DNAJC15: variants seen among roughly 807,000 people sequenced by gnomAD.
DNAJC15 encodes the protein dnaJ homolog subfamily C member 15.
A neutral mutation model predicts 22.4 loss-of-function variants in DNAJC15; 27 were observed. The observed-to-expected ratio is 1.20, with a 90% CI of 0.89 to 1.66. DNAJC15 has a LOEUF of 1.66. Ranked by LOEUF, DNAJC15 falls within the 40% of genes most tolerant of loss-of-function variation. DNAJC15 has a pLI of 0.00. For synonymous variants in DNAJC15, 79 were observed against 63.2 expected, an observed-to-expected ratio of 1.25 and a Z score of -1.19; for missense variants, 208 against 187.1, an observed-to-expected ratio of 1.11 and a Z score of -0.65.
intron 1 of DNAJC15, among the ~76,000 whole-genome samples, chr13:43,059,442 C>T (rs1030322207): frequency 1.3e-5 from 2 of 152,006 alleles, no homozygotes; most frequent in African/African-American, 4.8e-5. Context: ...GGCGCAATCT[C>T]GGCTCACCGC....
At chr13:43,075,693 G>A (rs1436601432) in intron 3 of DNAJC15, among the ~76,000 whole-genome samples, 1 of 152,072 alleles carries the variant, frequency 6.6e-6, no homozygotes, top group East Asian at 1.9e-4. Flanking sequence ...GAGACAGTCT[G>A]TCTCCATTGC....
chr13:43,043,486 A>G (rs2040463180), intron 1 of DNAJC15, among the ~76,000 whole-genome samples: 1 of 152,226 alleles, frequency 6.6e-6, no homozygotes, highest in African/African-American at 2.4e-5. Flanking sequence ...ACAGTACTTA[A>G]AAGATCATTC....
intron 3 of DNAJC15, among the ~76,000 whole-genome samples, chr13:43,078,021 TCTC>T (rs761282252): frequency 6.6e-6 from 1 of 152,212 alleles, no homozygotes; most frequent in Non-Finnish European, 1.5e-5. Context: ...TGCTCTGGCT[TCTC>T]CTCCCACTTA....
Position 43,107,539 on chromosome 13 carries a change from A to ACACACC in DNAJC15, c.*296_*297insCCACAC. On this transcript the variant is annotated 3_prime_UTR_variant, in exon 6 of 6. Transcript: ENST00000379221. The stretch of plus-strand genomic sequence containing the variant: ...AATTCCCCCCTACACACACACACAC[A>ACACACC]CACACACACACACACACGTGCAAAA... The ACACACC allele has an allele frequency of 5.4e-6, 1 of 186,606 alleles. No homozygotes were observed. Among genetic ancestry groups the ACACACC allele is most frequent in the Non-Finnish European group, 1.1e-5 (1 of 91,034 alleles). The allele number at this position is 186,606 out of a possible 1,614,324, so 11.6% of individuals were successfully genotyped here. A position where few individuals can be genotyped will look rare whatever the true frequency, so the allele number is the denominator to read the frequency against.
At chr13:43,102,902 A>G (rs907396957) in intron 5 of DNAJC15, among the ~76,000 whole-genome samples, 3 of 152,196 alleles carry the variant, frequency 2.0e-5, no homozygotes, top group Non-Finnish European at 4.4e-5. Flanking sequence ...GGAAAAATTC[A>G]ACAAAATCAT....
chr13:43,107,487 C>A lies in DNAJC15; in HGVS notation c.*239C>A. The A allele has an allele frequency of 7.1e-6, 2 of 281,160 alleles. No individual in the cohort carries two copies. The highest frequency in any genetic ancestry group is 2.2e-5 in the African/African-American group (1 of 44,608). The allele number at this position is 281,160 out of a possible 1,614,324, so 17.4% of individuals were successfully genotyped here. A position where few individuals can be genotyped will look rare whatever the true frequency, so the allele number is the denominator to read the frequency against. On this transcript the variant is annotated 3_prime_UTR_variant, in exon 6 of 6. Transcript: ENST00000379221. ...TCTTATTTTGTTTGTGACATTCATA[C>A]ATTTTTAAGATTTTTGTTATGTTCT...
At chr13:43,039,375 A>ATAG (rs1277278131) in intron 1 of DNAJC15, among the ~76,000 whole-genome samples, 1 of 152,220 alleles carries the variant, frequency 6.6e-6, no homozygotes, top group East Asian at 1.9e-4. Context: ...GTATAAAATT[A>ATAG]TAGTGTTTCT....
intron 4 of DNAJC15, 147 bp downstream of exon 4, chr13:43,078,835 C>A: frequency 1.7e-6 from 1 of 593,570 alleles, no homozygotes; most frequent in East Asian, 3.3e-5. Flanking sequence ...TTTAAAGCCT[C>A]AAATCTAAAA....
Position 43,109,977 on chromosome 13 carries a change from A to G in DNAJC15, c.*2729A>G, listed in dbSNP as rs1423136689. On this transcript the variant is annotated 3_prime_UTR_variant, in exon 6 of 6. Coordinates refer to ENST00000379221, the MANE Select transcript of DNAJC15 (RefSeq NM_013238.3). ...TAATTTTTACTTCTTTCACTGCCTCATTTAATTAGTTTTATCTTTAATAAT... is the reference window on the plus strand; with the variant it reads ...TAATTTTTACTTCTTTCACTGCCTCGTTTAATTAGTTTTATCTTTAATAAT... The G allele has an allele frequency of 1.7e-4, 26 of 152,192 alleles. No homozygotes were observed. Among genetic ancestry groups the G allele is most frequent in the Admixed American group, 1.7e-3 (26 of 15,280 alleles). 9.4% of individuals were successfully genotyped at this position (152,192 alleles called of 1,614,324 possible).
chr13:43,099,471 A>G (rs1274653287), intron 5 of DNAJC15, among the ~76,000 whole-genome samples: 1 of 152,100 alleles, frequency 6.6e-6, no homozygotes, highest in African/African-American at 2.4e-5. Flanking sequence ...GATCTTAGGG[A>G]AAAGCATCCA....
chr13:43,032,805 A>G (rs2040409882), intron 1 of DNAJC15, among the ~76,000 whole-genome samples: 2 of 152,214 alleles, frequency 1.3e-5, no homozygotes, highest in East Asian at 3.8e-4. Flanking sequence ...AGCCTGGGTG[A>G]CAGAGCAAGA....
Position 43,110,802 on chromosome 13 carries a change from A to G in DNAJC15, c.*3554A>G, listed in dbSNP as rs2040821169. 1 of 152,208 alleles carries G rather than the reference A, an allele frequency of 6.6e-6. No homozygotes were observed. The highest frequency in any genetic ancestry group is 2.4e-5 in the African/African-American group (1 of 41,448). 9.4% of individuals were successfully genotyped at this position (152,208 alleles called of 1,614,324 possible). Reference sequence around the variant, plus strand: ...CAGATATTCAGGAGTAATTATCTAAATGGCAGTAGGCTTATAAAACTGAAT... The same window carrying G: ...CAGATATTCAGGAGTAATTATCTAAGTGGCAGTAGGCTTATAAAACTGAAT... On this transcript the variant is annotated 3_prime_UTR_variant, in exon 6 of 6. Transcript: ENST00000379221.
intron 5 of DNAJC15, among the ~76,000 whole-genome samples, chr13:43,093,878 A>G (rs1593329940): frequency 6.6e-6 from 1 of 152,338 alleles, no homozygotes; most frequent in East Asian, 1.9e-4. Context: ...ATTTTTGCAC[A>G]TCTCTTTTAA....
chr13:43,078,759 A>T, intron 4 of DNAJC15, 71 bp downstream of exon 4: 1 of 1,411,840 alleles, frequency 7.1e-7, no homozygotes, highest in Non-Finnish European at 9.9e-7. Context: ...AAACGTTACA[A>T]TAAGGTTATA....
At chr13:43,073,625 G>T (rs1479288487) in intron 3 of DNAJC15, among the ~76,000 whole-genome samples, 1 of 151,964 alleles carries the variant, frequency 6.6e-6, no homozygotes, top group African/African-American at 2.4e-5. Flanking sequence ...TCCTGAAAAG[G>T]GTTTCTTTTT....
At chr13:43,052,036 C>A (rs1464536299) in intron 1 of DNAJC15, among the ~76,000 whole-genome samples, 5 of 152,048 alleles carry the variant, frequency 3.3e-5, no homozygotes, top group Non-Finnish European at 7.4e-5. Flanking sequence ...GTGATCTCGG[C>A]TCACTGCAAC....
At chr13:43,078,515 A>G (rs1445097022) in intron 3 of DNAJC15, 97 bp from the exon 4 acceptor site, 7 of 884,072 alleles carry the variant, frequency 7.9e-6, no homozygotes, top group Non-Finnish European at 1.0e-5. Flanking sequence ...GACTTCTAGT[A>G]AAATGCATTA....
intron 1 of DNAJC15, among the ~76,000 whole-genome samples, chr13:43,058,662 A>C (rs2040542723): frequency 6.6e-6 from 1 of 152,126 alleles, no homozygotes; most frequent in African/African-American, 2.4e-5. Flanking sequence ...AGGAAAATTC[A>C]TGCTCAATTG....
At chr13:43,063,337 C>T (rs1240935050) in intron 1 of DNAJC15, among the ~76,000 whole-genome samples, 1 of 152,154 alleles carries the variant, frequency 6.6e-6, no homozygotes, top group Admixed American at 6.5e-5. Flanking sequence ...AAGCAGTTCA[C>T]ATTTACTGAT....
Sources: allele counts gnomAD v4.1 joint callset (sites outside exome capture counted in the v4.1 genomes callset), GRCh38; gene constraint gnomAD v4.1.1; transcripts MANE v1.5; gene names NCBI Gene and HGNC (gene_info 2026-07-23, HGNC 2026-07-21).